Variants in SNAI3 observed in about 807,000 individuals in gnomAD.
The protein encoded by SNAI3 is snail family transcriptional repressor 3, also known as zinc finger protein SNAI3.
SNAI3 carries 21 observed loss-of-function variants against 16.4 expected under a neutral mutation model. The observed-to-expected ratio is 1.28, with a 90% CI of 0.91 to 1.85. SNAI3 has a LOEUF of 1.85. Among genes scored for constraint, SNAI3 ranks in the 40% most tolerant of loss-of-function variants. The probability of loss-of-function intolerance (pLI) is 0.00; values close to 1 mark genes in which losing one functional copy is unlikely to be tolerated. For missense variants in SNAI3, 457 were observed against 372.8 expected (o/e 1.23, Z -1.86); for synonymous variants, 202 against 166.6 (o/e 1.21, Z -1.64).
At chr16:88,684,693 G>T (rs1247226503) in intron 1 of SNAI3, among the ~76,000 whole-genome samples, 1 of 152,132 alleles carries the variant, frequency 6.6e-6, no homozygotes, top group African/African-American at 2.4e-5. Context: ...ACGGGGTTTC[G>T]CCATGTTGGC....
Position 88,681,449 on chromosome 16 carries a change from C to A in SNAI3, c.342G>T (p.Leu114=), listed in dbSNP as rs775795371. 3 of 1,602,778 alleles carry A rather than the reference C, an allele frequency of 1.9e-6. No homozygotes were observed. The highest frequency in any genetic ancestry group is 2.6e-6 in the Non-Finnish European group (3 of 1,172,250). Residue 114 remains leucine, a synonymous_variant, in exon 2 of 3, where the codon CTG becomes CTT. Transcript: ENST00000332281. This position sits in a 1 kb window ranked among gnomAD's most constrained non-coding sequence, Gnocchi z 5.4. ...GTGTGGGCAGCACCAGCAGTGGGGG[C>A]AGGTTGAGGTGGTTCAGGCTGTCTT... ...PLKDSLNHLN[L]PPLLVLPTRW...
At chr16:88,679,391 G>T (rs1461253753) in intron 2 of SNAI3, among the ~76,000 whole-genome samples, 1 of 152,222 alleles carries the variant, frequency 6.6e-6, no homozygotes, top group African/African-American at 2.4e-5. Flanking sequence ...CCTCTGGCCT[G>T]CACCCAGGTG....
In SNAI3 at chr16:88,681,661, G is replaced by A. The variant is rs922719573; in HGVS notation, c.130C>T (p.Arg44Ter). The change falls in exon 2 of 3, where the codon CGA becomes TGA. Residue 44 changes from arginine (R) to a stop codon, truncating the protein, a stop_gained. Coordinates refer to ENST00000332281, the MANE Select transcript of SNAI3 (RefSeq NM_178310.4). LOFTEE classifies it high-confidence loss of function. The surrounding 1 kb of genome is among the most constrained non-coding windows in gnomAD (Gnocchi z 5.4). ...CGGLVVPLLP[R>*]DKEAPSVPGD... ...GGCACAGAAGGGGCCTCCTTGTCTC[G>A]GGGGAGGAGGGGCACCACCAGCCCC... 18 of 1,475,906 alleles carry A rather than the reference G, an allele frequency of 1.2e-5. No homozygotes were observed. The highest frequency in any genetic ancestry group is 8.9e-5 in the South Asian group (6 of 67,316). 91.4% of individuals were successfully genotyped at this position (1,475,906 alleles called of 1,614,324 possible).
Position 88,686,433 on chromosome 16 carries a change from G to T in SNAI3, c.-27C>A. ...TTCCCCTCCCGGGCGGCAGGCCGGGGTGGGCTGGGGCGGGAGGGGCGCGCC... is the reference window on the plus strand; with the variant it reads ...TTCCCCTCCCGGGCGGCAGGCCGGGTTGGGCTGGGGCGGGAGGGGCGCGCC... On this transcript the variant is annotated 5_prime_UTR_variant, in exon 1 of 3. Transcript: ENST00000332281. 3 of 1,604,688 alleles carry T rather than the reference G, an allele frequency of 1.9e-6. No individual in the cohort carries two copies. The highest frequency in any genetic ancestry group is 2.5e-6 in the Non-Finnish European group (3 of 1,177,778).
chr16:88,679,052 A>G (rs528652398), intron 2 of SNAI3: 1 of 985,448 alleles, frequency 1.0e-6, no homozygotes, highest in Admixed American at 6.1e-5. Flanking sequence ...GGATCTGGAC[A>G]AAGTCCTGCT....
At position 88,678,485 on chromosome 16, in the gene SNAI3, G is replaced by C. The variant is rs147688628; in HGVS notation, c.842C>G (p.Ala281Gly). 1.1e-4 allele frequency: 83 copies of C among 779,482 alleles called. 1 individual carries two copies. The highest frequency in any genetic ancestry group is 1.8e-4 in the Non-Finnish European group (75 of 421,356). The allele number at this position is 779,482 out of a possible 1,614,324, so 48.3% of individuals were successfully genotyped here. A position where few individuals can be genotyped will look rare whatever the true frequency, so the allele number is the denominator to read the frequency against. Residue 281 changes from alanine to glycine, a missense_variant, in exon 3 of 3, where the codon GCG (alanine) becomes GGG (glycine). Physicochemically the swap from Ala to Gly is moderately conservative, Grantham distance 60. Transcript: ENST00000332281. ...TKTFSRMSLLARHEESGCCPG... is the reference protein window; with the variant it reads ...TKTFSRMSLLGRHEESGCCPG... The stretch of plus-strand genomic sequence containing the variant: ...GCAGCAGCCAGACTCCTCATGCCGC[G>C]CCAGGAGGGACATGCGGGAGAAGGT...
chr16:88,684,902 A>G (rs981546392), intron 1 of SNAI3, among the ~76,000 whole-genome samples: 2 of 152,210 alleles, frequency 1.3e-5, no homozygotes, highest in African/African-American at 4.8e-5. Context: ...CCTCAGGTCT[A>G]TCCTGGGGTA....
Position 88,686,082 on chromosome 16 carries a change from T to C in SNAI3, c.76+249A>G, listed in dbSNP as rs181139560. On this transcript the variant is annotated intron_variant, in intron 1 of 2. Transcript: ENST00000332281. ...GGGAGACTTGGGGGCTTAGAAAACTTAGAAAACTTCTCCAAGTTGGGAGAG... is the reference window on the plus strand; with the variant it reads ...GGGAGACTTGGGGGCTTAGAAAACTCAGAAAACTTCTCCAAGTTGGGAGAG... 516 of 530,148 alleles carry C rather than the reference T, an allele frequency of 9.7e-4. 1 individual carries two copies. Among genetic ancestry groups the C allele is most frequent in the African/African-American group, 9.0e-3 (468 of 51,848 alleles). The allele number at this position is 530,148 out of a possible 1,614,324, so 32.8% of individuals were successfully genotyped here.
In SNAI3 at chr16:88,681,263, G is replaced by T; in HGVS notation, c.528C>A (p.His176Gln). ...AGGTGAAGACACGCCCCACCTGCAG[G>T]TGGCAGTGCAGCTGCCGGTGCCTGG... ...GLARHRQLHCHLQVGRVFTCK... is the reference protein window; with the variant it reads ...GLARHRQLHCQLQVGRVFTCK... Residue 176 changes from histidine to glutamine, a missense_variant, in exon 2 of 3, where the codon CAC becomes CAA. Physicochemically the swap from His to Gln is conservative, Grantham distance 24. Coordinates refer to ENST00000332281, the MANE Select transcript of SNAI3 (RefSeq NM_178310.4). This position sits in a 1 kb window ranked among gnomAD's most constrained non-coding sequence, Gnocchi z 5.4. 6.2e-7 allele frequency: 1 copy of T among 1,613,522 alleles called. No individual in the cohort carries two copies. Among genetic ancestry groups the T allele is most frequent in the Non-Finnish European group, 8.5e-7 (1 of 1,179,986 alleles).
intron 1 of SNAI3, among the ~76,000 whole-genome samples, chr16:88,684,252 C>T (rs1279841103): frequency 6.6e-6 from 1 of 152,296 alleles, no homozygotes; most frequent in South Asian, 2.1e-4. Context: ...GAAAAAGTCA[C>T]CATTTCTTTT....
At chr16:88,682,815 G>GC (rs1280798492) in intron 1 of SNAI3, among the ~76,000 whole-genome samples, 3 of 102,222 alleles carry the variant, frequency 2.9e-5, no homozygotes, top group Admixed American at 1.5e-4. Flanking sequence ...TCGCTCTGTT[G>GC]CCAGGCTGGA....
At position 88,681,691 on chromosome 16, in the gene SNAI3, A is replaced by G. The variant is rs1265587354; in HGVS notation, c.100T>C (p.Cys34Arg). 2 of 1,470,406 alleles carry G rather than the reference A, an allele frequency of 1.4e-6. No homozygotes were observed. The highest frequency in any genetic ancestry group is 1.8e-6 in the Non-Finnish European group (2 of 1,108,068). The allele number at this position is 1,470,406 out of a possible 1,614,324, so 91.1% of individuals were successfully genotyped here. A position where few individuals can be genotyped will look rare whatever the true frequency, so the allele number is the denominator to read the frequency against. Residue 34 changes from cysteine (C) to arginine (R), a missense_variant, in exon 2 of 3, where the codon TGT becomes CGT. Coordinates refer to ENST00000332281, the MANE Select transcript of SNAI3 (RefSeq NM_178310.4). This position sits in a 1 kb window ranked among gnomAD's most constrained non-coding sequence, Gnocchi z 5.4. Reference sequence around the variant, plus strand: ...AGGAGGGGCACCACCAGCCCCCCACAGGCAGAGCAGGCACCATTGATTTCT... The same window carrying G: ...AGGAGGGGCACCACCAGCCCCCCACGGGCAGAGCAGGCACCATTGATTTCT... ...QREINGACSA[C>R]GGLVVPLLPR...
Position 88,681,519 on chromosome 16 carries a change from C to T in SNAI3, c.272G>A (p.Ser91Asn), listed in dbSNP as rs1398956624. 1 of 1,536,856 alleles carries T rather than the reference C, an allele frequency of 6.5e-7. No homozygotes were observed. The highest frequency in any genetic ancestry group is 8.8e-7 in the Non-Finnish European group (1 of 1,137,400). Residue 91 changes from serine to asparagine, a missense_variant, in exon 2 of 3, where the codon AGC becomes AAC. Ser to Asn is a conservative substitution (Grantham distance 46). Transcript: ENST00000332281. This position sits in a 1 kb window ranked among gnomAD's most constrained non-coding sequence, Gnocchi z 5.4. ...CCGGCTGGCCCGAGGGTCGACCTCGCTGACTTCCAAGGCGTCCAGCCCAGA... is the reference window on the plus strand; with the variant it reads ...CCGGCTGGCCCGAGGGTCGACCTCGTTGACTTCCAAGGCGTCCAGCCCAGA... ...GASGLDALEVSEVDPRASRAA... is the reference protein window; with the variant it reads ...GASGLDALEVNEVDPRASRAA...
chr16:88,683,544 G>A (rs1017595642), intron 1 of SNAI3, among the ~76,000 whole-genome samples: 2 of 147,504 alleles, frequency 1.4e-5, no homozygotes, highest in Admixed American at 1.4e-4. Flanking sequence ...ATAAGCCACT[G>A]CGCCTGGCCT....
intron 2 of SNAI3, among the ~76,000 whole-genome samples, chr16:88,680,680 C>T (rs1480958710): frequency 6.6e-6 from 1 of 152,104 alleles, no homozygotes; most frequent in Non-Finnish European, 1.5e-5. Context: ...CTCACTGCAG[C>T]CTCAACCTCC....
Position 88,678,098 on chromosome 16 carries a change from T to C in SNAI3, c.*350A>G, listed in dbSNP as rs185589997. 9.0e-5 allele frequency: 22 copies of C among 245,534 alleles called. No homozygotes were observed. In the South Asian group the frequency reaches 1.3e-3, roughly 15 times the overall value. 15.2% of individuals were successfully genotyped at this position (245,534 alleles called of 1,614,324 possible). On this transcript the variant is annotated 3_prime_UTR_variant, in exon 3 of 3. Coordinates refer to ENST00000332281, the MANE Select transcript of SNAI3 (RefSeq NM_178310.4). ...AGCCTTGCCAGCCATCCGGCGGCAGTGCCGGCCCATGCTGGCGGCCACCTC... is the reference window on the plus strand; with the variant it reads ...AGCCTTGCCAGCCATCCGGCGGCAGCGCCGGCCCATGCTGGCGGCCACCTC...
chr16:88,685,563 G>A (rs1004249482), intron 1 of SNAI3: 1 of 152,302 alleles, frequency 6.6e-6, no homozygotes, highest in Non-Finnish European at 1.5e-5. Flanking sequence ...CCGCCCGTGT[G>A]GCAGGCTGTC....
intron 1 of SNAI3, 49 bp downstream of exon 1, chr16:88,686,282 C>G: frequency 6.3e-7 from 1 of 1,595,418 alleles, no homozygotes; most frequent in Non-Finnish European, 8.5e-7. Context: ...TCTCTCCCGC[C>G]CCTCAGGGTC....
Position 88,681,344 on chromosome 16 carries a change from C to T in SNAI3, c.447G>A (p.Pro149=), listed in dbSNP as rs765348985. 11 of 1,612,714 alleles carry T rather than the reference C, an allele frequency of 6.8e-6. No homozygotes were observed. Among genetic ancestry groups the T allele is most frequent in the African/African-American group, 2.7e-5 (2 of 74,918 alleles). Residue 149 remains proline, a synonymous_variant, in exon 2 of 3, where the codon CCG becomes CCA. Coordinates refer to ENST00000332281, the MANE Select transcript of SNAI3 (RefSeq NM_178310.4). This position sits in a 1 kb window ranked among gnomAD's most constrained non-coding sequence, Gnocchi z 5.4. ...GGCAGTGGAAGCACTCAAAGCCGCC[C>T]GGGGCTCGGGGCATCCGCTCAGCCC... ...LLGAERMPRA[P]GGFECFHCHK...
Sources: allele counts gnomAD v4.1 joint callset (sites outside exome capture counted in the v4.1 genomes callset), GRCh38; gene constraint gnomAD v4.1.1; non-coding constraint Gnocchi (gnomAD v3.1); transcripts MANE v1.5; gene names NCBI Gene and HGNC (gene_info 2026-07-23, HGNC 2026-07-21).